The following GREB1L variants were observed in gnomAD, a reference collection of about 807,000 sequenced individuals.
The protein encoded by GREB1L is GREB1 like retinoic acid receptor coactivator.
In GREB1L, 17 loss-of-function variants were observed where a neutral mutation model predicts 200.8. The observed-to-expected ratio is 0.08, with a 90% CI of 0.06 to 0.13. The LOEUF is 0.13. Among genes scored for constraint, GREB1L ranks in the 10% least tolerant of loss-of-function variants. GREB1L has a pLI of 1.00. For synonymous variants in GREB1L, 789 were observed against 893.0 expected, an observed-to-expected ratio of 0.88 and a Z score of 2.08; for missense variants, 1,657 against 2,367.7, an observed-to-expected ratio of 0.70 and a Z score of 6.23.
chr18:21,466,204 A>T (rs1014276701), intron 15 of GREB1L, among the ~76,000 whole-genome samples: 2 of 152,264 alleles, frequency 1.3e-5, no homozygotes, highest in South Asian at 2.1e-4. Context: ...TCTACTACTG[A>T]TGTACATTTG....
At chr18:21,293,904 C>T (rs1428098042) in intron 1 of GREB1L, among the ~76,000 whole-genome samples, 12 of 152,128 alleles carry the variant, frequency 7.9e-5, no homozygotes, top group East Asian at 1.9e-4. Flanking sequence ...CTCAGCCTCC[C>T]GAGCAGCTGG....
At chr18:21,459,342 G>A (rs2034931139) in intron 15 of GREB1L, among the ~76,000 whole-genome samples, 1 of 134,948 alleles carries the variant, frequency 7.4e-6, no homozygotes. Context: ...CTGGAGTGCA[G>A]TGGCACAATC....
intron 15 of GREB1L, among the ~76,000 whole-genome samples, chr18:21,469,041 T>C (rs568797731): frequency 3.0e-4 from 46 of 152,348 alleles, no homozygotes; most frequent in African/African-American, 1.1e-3. Context: ...GTAAAGTTAC[T>C]AGTTTCTTCT....
At chr18:21,340,318 G>C (rs2039249462) in intron 1 of GREB1L, among the ~76,000 whole-genome samples, 1 of 151,974 alleles carries the variant, frequency 6.6e-6, no homozygotes, top group Non-Finnish European at 1.5e-5. Flanking sequence ...TACTTGGGAT[G>C]CTGAGGCAGG....
intron 1 of GREB1L, among the ~76,000 whole-genome samples, chr18:21,323,875 T>G (rs756642770): frequency 4.6e-5 from 7 of 152,180 alleles, no homozygotes; most frequent in Non-Finnish European, 1.0e-4. Context: ...GGACAGTAAT[T>G]TAGTAACTTC....
chr18:21,329,576 C>T (rs993995862), intron 1 of GREB1L, among the ~76,000 whole-genome samples: 3 of 152,054 alleles, frequency 2.0e-5, no homozygotes, highest in African/African-American at 7.2e-5. Context: ...GGAAGACTTT[C>T]CAGACCTTTT....
intron 15 of GREB1L, among the ~76,000 whole-genome samples, chr18:21,457,246 T>G (rs1319624489): frequency 6.6e-6 from 1 of 151,966 alleles, no homozygotes; most frequent in Admixed American, 6.6e-5. Flanking sequence ...GTACCAGAAT[T>G]TGACCAATTA....
At chr18:21,285,344 T>C (rs2038338301) in intron 1 of GREB1L, among the ~76,000 whole-genome samples, 1 of 152,224 alleles carries the variant, frequency 6.6e-6, no homozygotes, top group Non-Finnish European at 1.5e-5. Context: ...ACCTATGTTA[T>C]GGTTTTCTTA....
chr18:21,454,227 G>A (rs1441023261), intron 14 of GREB1L, 139 bp from the exon 15 acceptor site: 2 of 636,246 alleles, frequency 3.1e-6, no homozygotes, highest in South Asian at 2.0e-5. Context: ...ACTCAATAGA[G>A]AGTGCAAATA....
At position 21,449,744 on chromosome 18, in the gene GREB1L, G is replaced by A. The variant is rs970335044; in HGVS notation, c.1628G>A (p.Ser543Asn). Residue 543 changes from serine (S) to asparagine (N), a missense_variant, in exon 12 of 33, where the codon AGT becomes AAT. Ser to Asn is a conservative substitution (Grantham distance 46, BLOSUM62 1). Coordinates refer to ENST00000424526, the MANE Select transcript of GREB1L (RefSeq NM_001142966.3). ...EGISETLRTL[S>N]EMRHYQRLPD... ...ATTTCAGAGACCTTAAGGACTCTCA[G>A]TGAAATGAGACACTATCAAAGGCTG... 47 of 1,551,216 alleles carry A rather than the reference G, an allele frequency of 3.0e-5. No homozygotes were observed. The highest frequency in any genetic ancestry group is 4.0e-5 in the Non-Finnish European group (46 of 1,146,660).
At chr18:21,315,967 G>A (rs9945043) in intron 1 of GREB1L, among the ~76,000 whole-genome samples, 4,594 of 152,254 alleles carry the variant, frequency 0.03, 245 homozygotes, top group African/African-American at 0.1. Context: ...GGCCTGGGGT[G>A]CACACAGTGC....
intron 1 of GREB1L, among the ~76,000 whole-genome samples, chr18:21,343,010 G>A (rs540869486): frequency 1.3e-5 from 2 of 152,138 alleles, no homozygotes; most frequent in African/African-American, 4.8e-5. Context: ...TTGTCTTTGA[G>A]GAAGATTTTT....
chr18:21,520,316 TA>T lies in GREB1L; in HGVS notation c.5473-371del, dbSNP rs200061089. The stretch of plus-strand genomic sequence containing the variant: ...TGGAAAGCTGATCAAAAATATTTTT[TA>T]TTCTCACCAATAAGGCAATCCAAAC... On this transcript the variant is annotated intron_variant, in intron 31 of 32. Transcript: ENST00000424526. Among the ~76,000 whole-genome samples the T allele has an allele frequency of 8.0e-3, 1,222 of 152,366 alleles. 27 individuals carry two copies. Among genetic ancestry groups the T allele is most frequent in the African/African-American group, 0.028 (1,175 of 41,592 alleles).
intron 7 of GREB1L, chr18:21,435,033 C>G (rs746563381): frequency 3.3e-5 from 5 of 152,652 alleles, no homozygotes; most frequent in Non-Finnish European, 4.4e-5. Context: ...TGTGAAACCA[C>G]TGGCTTTATC....
rs2037635046 is a variant in GREB1L at position 21,523,353 on chromosome 18, T to C, written c.*532T>C. The C allele has an allele frequency of 1.3e-5, 2 of 152,226 alleles. No homozygotes were observed. The highest frequency in any genetic ancestry group is 4.8e-5 in the African/African-American group (2 of 41,458). 9.4% of individuals were successfully genotyped at this position (152,226 alleles called of 1,614,324 possible). A position where few individuals can be genotyped will look rare whatever the true frequency, so the allele number is the denominator to read the frequency against. ...TTTGTATTTAAAAAAAGAAGTAGCT[T>C]TGTCTTTCTCTGTGCAGTGTTAGTT... On this transcript the variant is annotated 3_prime_UTR_variant, in exon 33 of 33. Transcript: ENST00000424526.
chr18:21,468,304 A>G (rs746230391), intron 15 of GREB1L, among the ~76,000 whole-genome samples: 13 of 152,200 alleles, frequency 8.5e-5, no homozygotes, highest in Non-Finnish European at 1.8e-4. Flanking sequence ...CATCTTGTAC[A>G]ATCCCACTTG....
At chr18:21,320,326 T>A (rs1422898259) in intron 1 of GREB1L, among the ~76,000 whole-genome samples, 1 of 152,070 alleles carries the variant, frequency 6.6e-6, no homozygotes, top group Non-Finnish European at 1.5e-5. Flanking sequence ...TACACTAAAA[T>A]ATATATATAA....
intron 1 of GREB1L, among the ~76,000 whole-genome samples, chr18:21,357,852 G>T (rs2039527759): frequency 6.6e-6 from 1 of 152,096 alleles, no homozygotes; most frequent in East Asian, 1.9e-4. Context: ...ATGCTTTTTT[G>T]ATTATTATAG....
At chr18:21,308,604 G>A (rs1338766690) in intron 1 of GREB1L, among the ~76,000 whole-genome samples, 2 of 152,200 alleles carry the variant, frequency 1.3e-5, no homozygotes, top group Non-Finnish European at 2.9e-5. Context: ...ACCACACAGT[G>A]CCTTGCTTCA....
Sources: allele counts gnomAD v4.1 joint callset (sites outside exome capture counted in the v4.1 genomes callset), GRCh38; gene constraint gnomAD v4.1.1; transcripts MANE v1.5; gene names NCBI Gene and HGNC (gene_info 2026-07-23, HGNC 2026-07-21).